NCKAP1L: variants seen among roughly 807,000 people sequenced by gnomAD.
NCKAP1L encodes the protein NCK associated protein 1 like.
Under a neutral mutation model 139.2 loss-of-function variants are expected in NCKAP1L, and 53 were observed. The ratio of observed to expected loss-of-function variants is 0.38; its 90% CI spans 0.31 to 0.48. NCKAP1L has a LOEUF of 0.48. NCKAP1L is among the 20% of genes least tolerant of loss of function. The pLI, the probability that NCKAP1L is intolerant of heterozygous loss-of-function variation, is 0.98. For missense variants in NCKAP1L, 1,151 were observed against 1,381.9 expected, an observed-to-expected ratio of 0.83 and a Z score of 2.65; for synonymous variants, 468 against 499.7, an observed-to-expected ratio of 0.94 and a Z score of 0.85.
At chr12:54,499,956 A>G (rs1292988351) in intron 2 of NCKAP1L, among the ~76,000 whole-genome samples, 2 of 152,100 alleles carry the variant, frequency 1.3e-5, no homozygotes, top group African/African-American at 4.8e-5. Context: ...GTTCATCTGA[A>G]AGGGTGCTTA....
chr12:54,519,014 T>C (rs1463829132), intron 15 of NCKAP1L, 42 bp downstream of exon 15: 5 of 1,586,292 alleles, frequency 3.2e-6, no homozygotes, highest in Non-Finnish European at 4.3e-6. Context: ...CCTCAGATTC[T>C]TCCTCCCCCA....
chr12:54,537,406 G>T (rs1450816331), intron 29 of NCKAP1L, among the ~76,000 whole-genome samples: 2 of 152,156 alleles, frequency 1.3e-5, no homozygotes, highest in African/African-American at 4.8e-5. Context: ...CTGAACCCAT[G>T]AATTCAGATT....
At chr12:54,527,148 G>A (rs1355787603) in intron 21 of NCKAP1L, among the ~76,000 whole-genome samples, 1 of 152,014 alleles carries the variant, frequency 6.6e-6, no homozygotes, top group Non-Finnish European at 1.5e-5. Context: ...TCTCTGGAAC[G>A]TCTCCTTGTC....
At chr12:54,524,034 TC>T (rs1456362656) in intron 20 of NCKAP1L, 78 bp downstream of exon 20, 8 of 1,455,986 alleles carry the variant, frequency 5.5e-6, no homozygotes, top group Non-Finnish European at 7.4e-6. Flanking sequence ...AGTATGGTGG[TC>T]CTCAAAGTTG....
chr12:54,530,053 G>A (rs1445560562), intron 22 of NCKAP1L, among the ~76,000 whole-genome samples: 1 of 152,228 alleles, frequency 6.6e-6, no homozygotes, highest in African/African-American at 2.4e-5. Flanking sequence ...CTCTAAAAAT[G>A]TCTAACATCT....
chr12:54,537,718 G>A (rs1157737979), intron 29 of NCKAP1L, among the ~76,000 whole-genome samples: 2 of 152,120 alleles, frequency 1.3e-5, no homozygotes, highest in Non-Finnish European at 2.9e-5. Flanking sequence ...TTAGGGTGGG[G>A]CTGAATAATG....
Position 54,523,519 on chromosome 12 carries a change from G to A in NCKAP1L, c.2004G>A (p.Lys668=). 2 of 1,613,784 alleles carry A rather than the reference G, an allele frequency of 1.2e-6. No individual in the cohort carries two copies. The highest frequency in any genetic ancestry group is 8.5e-7 in the Non-Finnish European group (1 of 1,179,932). Residue 668 remains lysine (K), a synonymous_variant, in exon 19 of 31, where the codon AAG becomes AAA. Transcript: ENST00000293373. ...AGCCAGGAGCTGAGAGTCACCGGAA[G>A]AACCGCAGCATTGTCACCAAGTGAG... ...RDKPGAESHR[K]NRSIVTNMDK...
chr12:54,509,886 T>C lies in NCKAP1L; in HGVS notation c.636T>C (p.Phe212=), dbSNP rs371086110. ...SGALLSLHFL[F]VRRNQGAEQW... is the part of the protein sequence containing the mutation. ...CCCTCCTCTCTTTGCATTTCCTCTT[T>C]GTCCGAAGAAACCAGGGGGCTGAGC... Residue 212 remains phenylalanine (F), a synonymous_variant, in exon 7 of 31, where the codon TTT becomes TTC. Coordinates refer to ENST00000293373, the MANE Select transcript of NCKAP1L (RefSeq NM_005337.5). 6 of 1,614,104 alleles carry C rather than the reference T, an allele frequency of 3.7e-6. No individual in the cohort carries two copies. Among genetic ancestry groups the C allele is most frequent in the African/African-American group, 1.3e-5 (1 of 74,944 alleles).
rs1030387006 is a variant in NCKAP1L, at chr12:54,510,696, A to G, written c.735+711A>G. Among the ~76,000 whole-genome samples, 19 of 117,046 alleles carry G rather than the reference A, an allele frequency of 1.6e-4. No homozygotes were observed. The South Asian group carries it at 3.3e-3, about 21-fold the overall frequency. The allele number at this position is 117,046 out of a possible 152,430, so 76.8% of individuals were successfully genotyped here. ...GGGTAATTTTTTTTTTTTTTTTTGT[A>G]TCTTTAGTAGAGACAGGGTTTCACC... On this transcript the variant is annotated intron_variant, in intron 7 of 30. Transcript: ENST00000293373.
chr12:54,518,612 C>T, intron 13 of NCKAP1L, 39 bp from the exon 14 acceptor site: 4 of 1,512,830 alleles, frequency 2.6e-6, no homozygotes, highest in South Asian at 1.1e-5. Context: ...TCCTAGGGAA[C>T]CTGTGCCCAC....
At chr12:54,533,825 C>T (rs927537333) in intron 26 of NCKAP1L, among the ~76,000 whole-genome samples, 4 of 152,232 alleles carry the variant, frequency 2.6e-5, no homozygotes, top group African/African-American at 9.6e-5. Flanking sequence ...CCACCTTGGC[C>T]TCCCAAAGTG....
rs765681622 is a variant in NCKAP1L, at chr12:54,500,482, CAATT to C, written c.214-50_214-47del. 10 of 1,240,144 alleles carry C rather than the reference CAATT, an allele frequency of 8.1e-6. No individual in the cohort carries two copies. In the South Asian group the frequency reaches 9.6e-5, roughly 12 times the overall value. 76.8% of individuals were successfully genotyped at this position (1,240,144 alleles called of 1,614,324 possible). ...ACTGTTCTTCTTGAGTTATTTGGATCAATTGTCTTATTTTGCACTTTTTTATTGT... is the reference window on the plus strand; with the variant it reads ...ACTGTTCTTCTTGAGTTATTTGGATCGTCTTATTTTGCACTTTTTTATTGT... On this transcript the variant is annotated intron_variant, in intron 2 of 30. Transcript: ENST00000293373.
At chr12:54,539,470 G>C (rs565788734) in intron 30 of NCKAP1L, among the ~76,000 whole-genome samples, 33 of 152,240 alleles carry the variant, frequency 2.2e-4, no homozygotes, top group Non-Finnish European at 3.7e-4. Context: ...GGTGGGCCAT[G>C]AATCAGGCAG....
chr12:54,545,096 C>T lies in NCKAP1L; in HGVS notation c.*2411C>T, dbSNP rs1957188388. On this transcript the variant is annotated 3_prime_UTR_variant, in exon 31 of 31. Transcript: ENST00000293373. Reference sequence around the variant, plus strand: ...TATAGCAATTTTATAGCAATTTTCTCCTCCCACAACCCCCTTCCCCATCTC... The same window carrying T: ...TATAGCAATTTTATAGCAATTTTCTTCTCCCACAACCCCCTTCCCCATCTC... 6.6e-6 allele frequency: 1 copy of T among 152,178 alleles called. No individual in the cohort carries two copies. Among genetic ancestry groups the T allele is most frequent in the Non-Finnish European group, 1.5e-5 (1 of 68,038 alleles). 9.4% of individuals were successfully genotyped at this position (152,178 alleles called of 1,614,324 possible). A position where few individuals can be genotyped will look rare whatever the true frequency, so the allele number is the denominator to read the frequency against.
At chr12:54,532,939 T>G (rs1170909036) in intron 26 of NCKAP1L, among the ~76,000 whole-genome samples, 1 of 152,236 alleles carries the variant, frequency 6.6e-6, no homozygotes, top group Non-Finnish European at 1.5e-5. Flanking sequence ...AGGCTCCTTC[T>G]CTTATAATTG....
rs1048422192 is a variant in NCKAP1L at position 54,548,084 on chromosome 12, C to T, written c.*5399C>T. 1.3e-5 allele frequency: 2 copies of T among 152,222 alleles called. No homozygotes were observed. The highest frequency in any genetic ancestry group is 2.4e-5 in the African/African-American group (1 of 41,436). 9.4% of individuals were successfully genotyped at this position (152,222 alleles called of 1,614,324 possible). On this transcript the variant is annotated 3_prime_UTR_variant, in exon 31 of 31. Coordinates refer to ENST00000293373, the MANE Select transcript of NCKAP1L (RefSeq NM_005337.5). ...GGAGTCTTAGCTGTGACAGTTCATC[C>T]GCTTCTTCGCCCTTCCATTTCACTT...
chr12:54,518,474 G>A (rs1283617289), intron 13 of NCKAP1L, 177 bp from the exon 14 acceptor site: 3 of 676,448 alleles, frequency 4.4e-6, no homozygotes, highest in South Asian at 1.6e-5. Context: ...AGAGAAACTG[G>A]ATGTTAGAAT....
rs542549906 is a variant in NCKAP1L at position 54,547,819 on chromosome 12, T to G, written c.*5134T>G. ...TGCTCCCAAATTTTCAGAAATGGACTGTGTAGGAGTGTGACTAGGGTCTCA... is the reference window on the plus strand; with the variant it reads ...TGCTCCCAAATTTTCAGAAATGGACGGTGTAGGAGTGTGACTAGGGTCTCA... On this transcript the variant is annotated 3_prime_UTR_variant, in exon 31 of 31. Coordinates refer to ENST00000293373, the MANE Select transcript of NCKAP1L (RefSeq NM_005337.5). 1 of 152,202 alleles carries G rather than the reference T, an allele frequency of 6.6e-6. No individual in the cohort carries two copies. The highest frequency in any genetic ancestry group is 2.4e-5 in the African/African-American group (1 of 41,464). 9.4% of individuals were successfully genotyped at this position (152,202 alleles called of 1,614,324 possible). A position where few individuals can be genotyped will look rare whatever the true frequency, so the allele number is the denominator to read the frequency against.
At chr12:54,541,983 G>A (rs973297380) in intron 30 of NCKAP1L, among the ~76,000 whole-genome samples, 6 of 151,606 alleles carry the variant, frequency 4.0e-5, no homozygotes, top group African/African-American at 1.2e-4. Flanking sequence ...CGGGCATCTT[G>A]ATCTATCTTC....
Sources: gnomAD v4.1 joint callset for allele counts (sites outside exome capture counted in the v4.1 genomes callset) on GRCh38, gnomAD v4.1.1 for gene constraint, MANE v1.5 for transcripts, NCBI Gene and HGNC (gene_info 2026-07-23, HGNC 2026-07-21) for gene names.